Variants in ATP2C1 observed in about 807,000 individuals in gnomAD.
ATP2C1 encodes ATPase secretory pathway Ca2+ transporting 1, also known as calcium-transporting ATPase type 2C member 1.
Under a neutral mutation model 120.5 loss-of-function variants are expected in ATP2C1, and 31 were observed. The ratio of observed to expected loss-of-function variants is 0.26; its 90% CI spans 0.19 to 0.35. The LOEUF is 0.35. Ranked by LOEUF, ATP2C1 falls within the 10% of genes least tolerant of loss-of-function variation. ATP2C1 has a pLI of 1.00. For synonymous variants in ATP2C1, 351 were observed against 358.7 expected (o/e 0.98, Z 0.24); for missense variants, 731 against 1,107.5 (o/e 0.66, Z 4.83).
intron 2 of ATP2C1, among the ~76,000 whole-genome samples, chr3:130,896,162 T>C (rs966173666): frequency 6.6e-6 from 1 of 152,224 alleles, no homozygotes; most frequent in Admixed American, 6.5e-5. Context: ...TATGAGCTTG[T>C]TTTCAGAATG....
Position 130,894,226 on chromosome 3 carries a change from C to A in ATP2C1, c.-292C>A, listed in dbSNP as rs1355411486. On this transcript the variant is annotated 5_prime_UTR_variant, in exon 1 of 28. Coordinates refer to ENST00000510168, the MANE Select transcript of ATP2C1 (RefSeq NM_001378687.1). The surrounding 1 kb of genome is among the most constrained non-coding windows in gnomAD (Gnocchi z 4.5). ...TCTCACGCCGGGAGCAGGCTCCCGC[C>A]TCGCACCGCTGCCCCGCGAGCAGCT... 8 of 985,278 alleles carry A rather than the reference C, an allele frequency of 8.1e-6. No individual in the cohort carries two copies. Among genetic ancestry groups the A allele is most frequent in the Non-Finnish European group, 9.6e-6 (8 of 829,986 alleles). The allele number at this position is 985,278 out of a possible 1,614,324, so 61.0% of individuals were successfully genotyped here.
intron 14 of ATP2C1, 55 bp downstream of exon 14, chr3:130,965,100 GTGT>G: frequency 7.9e-7 from 1 of 1,264,184 alleles, no homozygotes; most frequent in Non-Finnish European, 1.2e-6. Flanking sequence ...AAGAAACTTG[GTGT>G]TTAACATTCC....
At chr3:130,872,109 G>A (rs994031534) in intron 1 of ATP2C1, among the ~76,000 whole-genome samples, 5 of 151,522 alleles carry the variant, frequency 3.3e-5, no homozygotes, top group Admixed American at 6.6e-5. Flanking sequence ...TATCATCTTC[G>A]ATAGCTGATT....
chr3:130,894,680 GTCC>G lies in ATP2C1; in HGVS notation c.-81_-79del, dbSNP rs2069425587. The G allele has an allele frequency of 1.9e-6, 3 of 1,613,326 alleles. No homozygotes were observed. Among genetic ancestry groups the G allele is most frequent in the African/African-American group, 1.3e-5 (1 of 74,882 alleles). On this transcript the variant is annotated 5_prime_UTR_variant, in exon 2 of 28. Transcript: ENST00000510168. The surrounding 1 kb of genome is among the most constrained non-coding windows in gnomAD (Gnocchi z 4.5). ...GGGATTCCGGGGGCTTCTCTTCCTTGTCCTCCTCCTCTCCTCTCTATTCCCAGT... is the reference window on the plus strand; with the variant it reads ...GGGATTCCGGGGGCTTCTCTTCCTTGTCCTCCTCTCCTCTCTATTCCCAGT...
At chr3:130,975,535 T>C in intron 18 of ATP2C1, 47 bp downstream of exon 18, 1 of 1,587,584 alleles carries the variant, frequency 6.3e-7, no homozygotes, top group Non-Finnish European at 8.6e-7. Flanking sequence ...GGTAGAGCCT[T>C]CTTTTAATTG....
intron 16 of ATP2C1, among the ~76,000 whole-genome samples, chr3:130,968,254 T>C (rs190802666): frequency 6.6e-6 from 1 of 152,328 alleles, no homozygotes; most frequent in African/African-American, 2.4e-5. Context: ...GAATCCGTTA[T>C]CAAGTATTTC....
intron 2 of ATP2C1, among the ~76,000 whole-genome samples, chr3:130,902,072 G>T (rs980482256): frequency 1.3e-5 from 2 of 151,932 alleles, no homozygotes. Context: ...TCTAACAAAC[G>T]GCAAGGAAGT....
At chr3:130,973,524 G>A (rs2061419637) in intron 17 of ATP2C1, among the ~76,000 whole-genome samples, 1 of 152,042 alleles carries the variant, frequency 6.6e-6, no homozygotes, top group African/African-American at 2.4e-5. Context: ...TAACATAGAT[G>A]GCTACTAAGT....
At chr3:130,867,482 G>A (rs2068222914) in intron 1 of ATP2C1, among the ~76,000 whole-genome samples, 1 of 149,716 alleles carries the variant, frequency 6.7e-6, no homozygotes, top group African/African-American at 2.5e-5. Flanking sequence ...GGTGGAGACG[G>A]GGTTTCGCTG....
intron 1 of ATP2C1, chr3:130,868,591 G>T (rs1352587284): frequency 1.5e-5 from 1 of 65,250 alleles, no homozygotes; most frequent in Non-Finnish European, 3.4e-5. Flanking sequence ...CGTCCGGGAG[G>T]TGAGGGGCGC....
chr3:130,936,183 G>T (rs2059661777), intron 5 of ATP2C1, among the ~76,000 whole-genome samples: 5 of 152,060 alleles, frequency 3.3e-5, no homozygotes, highest in Admixed American at 3.3e-4. Context: ...AATTAGATCA[G>T]TAGTGATTTC....
At chr3:130,918,724 G>C (rs555405252) in intron 2 of ATP2C1, 1 of 426,540 alleles carries the variant, frequency 2.3e-6, no homozygotes, top group Non-Finnish European at 4.5e-6. Flanking sequence ...GGGCGCGGTG[G>C]CTCACGCCTG....
intron 26 of ATP2C1, chr3:131,014,203 T>TC (rs750340383): frequency 4.0e-6 from 3 of 743,848 alleles, no homozygotes; most frequent in Non-Finnish European, 5.6e-6. Context: ...TTCTTCTGCC[T>TC]TTTTTTTTTT....
In ATP2C1 at chr3:131,003,140, T is replaced by G; in HGVS notation, c.*1790T>G. The G allele has an allele frequency of 1.0e-6, 1 of 982,634 alleles. No homozygotes were observed. Among genetic ancestry groups the G allele is most frequent in the Non-Finnish European group, 1.2e-6 (1 of 827,008 alleles). 60.9% of individuals were successfully genotyped at this position (982,634 alleles called of 1,614,324 possible). ...TTGTACTATAAAAATAAAAATGATT[T>G]CTTAAGTTAATGACATCCCAGTGGG... is the stretch of plus-strand genomic sequence containing the variant. On this transcript the variant is annotated 3_prime_UTR_variant, in exon 28 of 28. Transcript: ENST00000510168.
chr3:130,982,797 G>A (rs922353563), intron 20 of ATP2C1, among the ~76,000 whole-genome samples: 1 of 152,038 alleles, frequency 6.6e-6, no homozygotes, highest in Non-Finnish European at 1.5e-5. Flanking sequence ...AGTGGTATAT[G>A]TTCAACATAG....
In ATP2C1 at chr3:130,894,379, T is replaced by C. The variant is rs2069385406; in HGVS notation, c.-181+42T>C. Reference sequence around the variant, plus strand: ...CCTCCTGCCCCCATTTCTAGAAACTTCCAGGTTCTGAAGGAAGGGGAGGTT... The same window carrying C: ...CCTCCTGCCCCCATTTCTAGAAACTCCCAGGTTCTGAAGGAAGGGGAGGTT... On this transcript the variant is annotated intron_variant, in intron 1 of 27. Coordinates refer to ENST00000510168, the MANE Select transcript of ATP2C1 (RefSeq NM_001378687.1). The surrounding 1 kb of genome is among the most constrained non-coding windows in gnomAD (Gnocchi z 4.5). 2 of 1,122,200 alleles carry C rather than the reference T, an allele frequency of 1.8e-6. No homozygotes were observed. Among genetic ancestry groups the C allele is most frequent in the Non-Finnish European group, 2.2e-6 (2 of 909,902 alleles). 69.5% of individuals were successfully genotyped at this position (1,122,200 alleles called of 1,614,324 possible).
intron 2 of ATP2C1, among the ~76,000 whole-genome samples, chr3:130,896,412 G>A (rs905930914): frequency 6.6e-6 from 1 of 152,048 alleles, no homozygotes; most frequent in Non-Finnish European, 1.5e-5. Context: ...AAAACGTGTG[G>A]GGTTTTCTGT....
chr3:130,974,734 G>A (rs1348834805), intron 17 of ATP2C1, among the ~76,000 whole-genome samples: 4 of 152,158 alleles, frequency 2.6e-5, no homozygotes, highest in Non-Finnish European at 5.9e-5. Context: ...ATAACTGATG[G>A]AGTAGCAGTA....
At chr3:130,970,338 G>T (rs1162150743) in intron 17 of ATP2C1, among the ~76,000 whole-genome samples, 1 of 148,414 alleles carries the variant, frequency 6.7e-6, no homozygotes, top group Admixed American at 6.8e-5. Flanking sequence ...GTGCACTCCA[G>T]CCTGGGCAAC....
Sources: allele counts gnomAD v4.1 joint callset (sites outside exome capture counted in the v4.1 genomes callset), GRCh38; gene constraint gnomAD v4.1.1; non-coding constraint Gnocchi (gnomAD v3.1); transcripts MANE v1.5; gene names NCBI Gene and HGNC (gene_info 2026-07-23, HGNC 2026-07-21).